Variants in CDH4 observed in about 807,000 individuals in gnomAD.
CDH4 encodes cadherin-4.
A neutral mutation model predicts 86.0 loss-of-function variants in CDH4; 33 were observed. The observed-to-expected ratio is 0.38, with a 90% CI of 0.29 to 0.51. CDH4 has a LOEUF of 0.51. CDH4 is among the 20% of genes least tolerant of loss of function. The pLI, the probability that CDH4 is intolerant of heterozygous loss-of-function variation, is 0.86. For missense variants in CDH4, 1,114 were observed against 1,307.4 expected (o/e 0.85, Z 2.28); for synonymous variants, 555 against 549.4 (o/e 1.01, Z -0.14).
At chr20:61,314,197 T>A (rs2084463756) in intron 2 of CDH4, among the ~76,000 whole-genome samples, 1 of 152,218 alleles carries the variant, frequency 6.6e-6, no homozygotes, top group Non-Finnish European at 1.5e-5. Flanking sequence ...CCCTGGTCTC[T>A]GAGCTGTACC....
intron 2 of CDH4, among the ~76,000 whole-genome samples, chr20:61,263,033 T>A (rs919834716): frequency 6.6e-6 from 1 of 152,116 alleles, no homozygotes; most frequent in Non-Finnish European, 1.5e-5. Context: ...ATTCTGACTT[T>A]TTGAAGAAGT....
chr20:61,834,100 C>A (rs1016872680), intron 4 of CDH4, among the ~76,000 whole-genome samples: 1 of 152,222 alleles, frequency 6.6e-6, no homozygotes, highest in Non-Finnish European at 1.5e-5. Flanking sequence ...ATGGTTCCCC[C>A]ACACAGTCCA....
chr20:61,302,658 A>G (rs2084392479), intron 2 of CDH4, among the ~76,000 whole-genome samples: 1 of 152,110 alleles, frequency 6.6e-6, no homozygotes, highest in Non-Finnish European at 1.5e-5. Context: ...TGGCTGCAGC[A>G]TTTGGGTCTG....
chr20:61,917,478 C>T (rs1191002091), intron 9 of CDH4, among the ~76,000 whole-genome samples: 1 of 152,266 alleles, frequency 6.6e-6, no homozygotes, highest in Non-Finnish European at 1.5e-5. Flanking sequence ...GCTGGCCTTC[C>T]TGTGGGAGGC....
intron 3 of CDH4, among the ~76,000 whole-genome samples, chr20:61,761,436 G>A (rs183804226): frequency 6.4e-4 from 97 of 152,246 alleles, no homozygotes; most frequent in South Asian, 1.2e-3. Context: ...TCATTTCCAC[G>A]GCAGACTCCT....
rs933855780 is a variant in CDH4 at position 61,377,240 on chromosome 20, G to A, written c.169+122303G>A. Among the ~76,000 whole-genome samples, 2 of 152,154 alleles carry A rather than the reference G, an allele frequency of 1.3e-5. No homozygotes were observed. Among genetic ancestry groups the A allele is most frequent in the Non-Finnish European group, 2.9e-5 (2 of 68,024 alleles). ...TGCAGAAGTGGAATAGAGGCATGGG[G>A]GGCTCTGGTGAGGGGCAGTGGCCGT... On this transcript the variant is annotated intron_variant, in intron 2 of 15. Coordinates refer to ENST00000614565, the MANE Select transcript of CDH4 (RefSeq NM_001794.5). The surrounding 1 kb of genome is among the most constrained non-coding windows in gnomAD (Gnocchi z 4.0).
At chr20:61,296,058 TG>T (rs1056485889) in intron 2 of CDH4, among the ~76,000 whole-genome samples, 2 of 151,794 alleles carry the variant, frequency 1.3e-5, no homozygotes, top group African/African-American at 4.8e-5. Context: ...GCCAGGACGG[TG>T]GGGCAAGGGG....
intron 9 of CDH4, among the ~76,000 whole-genome samples, chr20:61,912,321 A>G (rs1600765445): frequency 6.6e-6 from 1 of 152,200 alleles, no homozygotes; most frequent in East Asian, 1.9e-4. Flanking sequence ...AGGAGATCAC[A>G]GGGGAAGAAA....
Position 61,875,400 on chromosome 20 carries a change from G to A in CDH4, c.1050+1500G>A, listed in dbSNP as rs551464663. Among the ~76,000 whole-genome samples the A allele has an allele frequency of 4.6e-5, 7 of 151,536 alleles. 1 individual carries two copies. The East Asian group carries it at 9.7e-4, about 21-fold the overall frequency. ...GCGAGGTGGCCGCCGGGTTCAGCACGGGCTCAGGACTCAGACCCGCACAGC... is the reference window on the plus strand; with the variant it reads ...GCGAGGTGGCCGCCGGGTTCAGCACAGGCTCAGGACTCAGACCCGCACAGC... On this transcript the variant is annotated intron_variant, in intron 7 of 15. Coordinates refer to ENST00000614565, the MANE Select transcript of CDH4 (RefSeq NM_001794.5).
intron 6 of CDH4, among the ~76,000 whole-genome samples, chr20:61,867,560 A>AG (rs1568857806): frequency 2.9e-4 from 24 of 82,118 alleles, no homozygotes; most frequent in Middle Eastern, 0.011. Flanking sequence ...AAAAAAAAAA[A>AG]AAGAGAGAGA....
At chr20:61,686,086 G>A (rs1404844499) in intron 2 of CDH4, among the ~76,000 whole-genome samples, 1 of 152,176 alleles carries the variant, frequency 6.6e-6, no homozygotes, top group African/African-American at 2.4e-5. Context: ...AGTGAAAATA[G>A]ACCAGCGGCA....
At chr20:61,638,748 G>C (rs780750367) in intron 2 of CDH4, among the ~76,000 whole-genome samples, 1 of 152,208 alleles carries the variant, frequency 6.6e-6, no homozygotes, top group Non-Finnish European at 1.5e-5. Context: ...CATCTGGGTA[G>C]ATGCAATGCA....
At chr20:61,831,229 C>T (rs1312135401) in intron 4 of CDH4, among the ~76,000 whole-genome samples, 2 of 152,220 alleles carry the variant, frequency 1.3e-5, no homozygotes, top group African/African-American at 4.8e-5. Context: ...ATGCCCTGCA[C>T]TTGAGGATAA....
chr20:61,585,850 GGATAATGGTGATGAA>G (rs2086466331), intron 2 of CDH4, among the ~76,000 whole-genome samples: 1 of 147,862 alleles, frequency 6.8e-6, no homozygotes, highest in South Asian at 2.2e-4. Flanking sequence ...GTGATGGGGA[GGATAATGGTGATGAA>G]GATGATGGTG....
chr20:61,894,230 C>T (rs1984989562), intron 7 of CDH4, among the ~76,000 whole-genome samples: 2 of 152,140 alleles, frequency 1.3e-5, no homozygotes, highest in African/African-American at 2.4e-5. Flanking sequence ...GGGATTTTGG[C>T]ACTGATGGAC....
At chr20:61,446,386 C>A (rs992239148) in intron 2 of CDH4, among the ~76,000 whole-genome samples, 3 of 152,176 alleles carry the variant, frequency 2.0e-5, no homozygotes, top group Non-Finnish European at 4.4e-5. Context: ...ATACTTTGAT[C>A]ATACCCATAG....
intron 6 of CDH4, among the ~76,000 whole-genome samples, chr20:61,860,416 A>G (rs1983268381): frequency 6.6e-6 from 1 of 152,236 alleles, no homozygotes; most frequent in African/African-American, 2.4e-5. Context: ...CAAATCAGCC[A>G]TGTCTGAACG....
At chr20:61,790,322 C>G (rs969092314) in intron 4 of CDH4, among the ~76,000 whole-genome samples, 2 of 150,746 alleles carry the variant, frequency 1.3e-5, no homozygotes, top group Non-Finnish European at 3.0e-5. Context: ...TCCATTCATC[C>G]TTTCATCTCT....
In CDH4 at chr20:61,934,043, C is replaced by T; in HGVS notation, c.2380-13C>T. On this transcript the variant is annotated splice_polypyrimidine_tract_variant and intron_variant, in intron 14 of 15. Coordinates refer to ENST00000614565, the MANE Select transcript of CDH4 (RefSeq NM_001794.5). ...TTCTGATGCCCCTGACTCCTCCCGG[C>T]TCCCTCCCCCAGGACTACGACCTCA... The T allele has an allele frequency of 1.2e-6, 2 of 1,610,316 alleles. No individual in the cohort carries two copies. Among genetic ancestry groups the T allele is most frequent in the Non-Finnish European group, 1.7e-6 (2 of 1,179,596 alleles).
Sources: allele counts gnomAD v4.1 joint callset (sites outside exome capture counted in the v4.1 genomes callset), GRCh38; gene constraint gnomAD v4.1.1; non-coding constraint Gnocchi (gnomAD v3.1); transcripts MANE v1.5; gene names NCBI Gene and HGNC (gene_info 2026-07-23, HGNC 2026-07-21).